Variants in SCN4A observed in about 807,000 individuals in gnomAD.
SCN4A encodes sodium voltage-gated channel alpha subunit 4.
In SCN4A, 83 loss-of-function variants were observed where a neutral mutation model predicts 162.0. The observed-to-expected ratio is 0.51, with a 90% CI of 0.43 to 0.61. SCN4A has a LOEUF of 0.61. Ranked by LOEUF, SCN4A falls within the 20% of genes least tolerant of loss-of-function variation. The pLI is 0.00. For missense variants in SCN4A, 2,196 were observed against 2,462.5 expected, an observed-to-expected ratio of 0.89 and a Z score of 2.29; for synonymous variants, 944 against 985.1, an observed-to-expected ratio of 0.96 and a Z score of 0.78.
chr17:63,962,447 C>G (rs747641129), intron 10 of SCN4A, among the ~76,000 whole-genome samples: 1 of 152,162 alleles, frequency 6.6e-6, no homozygotes, highest in Admixed American at 6.5e-5. Flanking sequence ...TCCTCCTGGC[C>G]TTGGTGGGCT....
Position 63,948,062 on chromosome 17 carries a change from G to A in SCN4A, c.3146C>T (p.Ala1049Val). 6.3e-7 allele frequency: 1 copy of A among 1,594,582 alleles called. No homozygotes were observed. Among genetic ancestry groups the A allele is most frequent in the African/African-American group, 1.3e-5 (1 of 74,626 alleles). The change falls in exon 17 of 24, where the codon GCC becomes GTC. Residue 1049 changes from alanine (A) to valine (V), a missense_variant and splice_region_variant. By Grantham distance (64) the Ala-to-Val change is moderately conservative. Coordinates refer to ENST00000435607, the MANE Select transcript of SCN4A (RefSeq NM_000334.4). ...CTGCTCAATGTAGATGTCCTCGAAG[G>A]CCTGGGGGCACCAGCACCACCAGGG... The part of the protein sequence containing the change: ...FMILLSSGAL[A>V]FEDIYIEQRR...
rs1180189206 is a variant in SCN4A at position 63,943,837 on chromosome 17, T to A, written c.3926A>T (p.Asp1309Val). 4 of 1,610,798 alleles carry A rather than the reference T, an allele frequency of 2.5e-6. No individual in the cohort carries two copies. Among genetic ancestry groups the A allele is most frequent in the Non-Finnish European group, 3.4e-6 (4 of 1,177,148 alleles). ...CTTCTGTTCCTCCGTCATAAAGATG[T>A]CTTTCCCCCCTAAGTATAGTGGGAT... Reference protein sequence around the residue: ...NQQKKKLGGKDIFMTEEQKKY... With the variant: ...NQQKKKLGGKVIFMTEEQKKY... Residue 1309 changes from aspartate to valine, a missense_variant, in exon 22 of 24, where the codon GAC (aspartate) becomes GTC (valine). Coordinates refer to ENST00000435607, the MANE Select transcript of SCN4A (RefSeq NM_000334.4).
At position 63,952,026 on chromosome 17, in the gene SCN4A, G is replaced by A. The variant is rs144647400; in HGVS notation, c.2377-126C>T. 17 of 617,286 alleles carry A rather than the reference G, an allele frequency of 2.8e-5. No homozygotes were observed. In the East Asian group the frequency reaches 3.6e-4, roughly 13 times the overall value. The allele number at this position is 617,286 out of a possible 1,614,324, so 38.2% of individuals were successfully genotyped here. ...CCACATGTTGGGCATTTAAAAGAAC[G>A]CCACCTAAGAGGTGTTCACAACTGC... On this transcript the variant is annotated intron_variant, in intron 13 of 23. Coordinates refer to ENST00000435607, the MANE Select transcript of SCN4A (RefSeq NM_000334.4).
Position 63,942,894 on chromosome 17 carries a change from A to C in SCN4A, c.4220T>G (p.Leu1407Arg). 1 of 1,614,050 alleles carries C rather than the reference A, an allele frequency of 6.2e-7. No individual in the cohort carries two copies. Among genetic ancestry groups the C allele is most frequent in the Non-Finnish European group, 8.5e-7 (1 of 1,179,890 alleles). Residue 1407 changes from leucine to arginine, a missense_variant, in exon 23 of 24, where the codon CTG becomes CGG. Physicochemically the swap from Leu to Arg is moderately radical, Grantham distance 102. Transcript: ENST00000435607. ...TGECVLKMLA[L>R]RQYYFTVGWN... is the part of the protein sequence containing the mutation. ...GCCAACGGTGAAGTAGTACTGGCGCAGGGCGAGCATCTTGAGCACGCACTC... is the reference window on the plus strand; with the variant it reads ...GCCAACGGTGAAGTAGTACTGGCGCCGGGCGAGCATCTTGAGCACGCACTC...
At chr17:63,956,547 G>C (rs546798405) in intron 13 of SCN4A, among the ~76,000 whole-genome samples, 1 of 152,106 alleles carries the variant, frequency 6.6e-6, no homozygotes, top group South Asian at 2.1e-4. Flanking sequence ...TCTCTTTTTC[G>C]GCGCCTGGAC....
intron 8 of SCN4A, among the ~76,000 whole-genome samples, chr17:63,964,988 C>A (rs374943449): frequency 1.3e-5 from 2 of 152,218 alleles, no homozygotes; most frequent in Non-Finnish European, 2.9e-5. Flanking sequence ...AGCTTTGCCA[C>A]AGTGCCTGGC....
At chr17:63,968,668 T>C (rs976639267) in intron 5 of SCN4A, among the ~76,000 whole-genome samples, 34 of 152,166 alleles carry the variant, frequency 2.2e-4, no homozygotes, top group Non-Finnish European at 3.5e-4. Flanking sequence ...AAGTTAGCGC[T>C]GTCAAAGTGT....
At chr17:63,958,292 G>GGCTGCAGTGAGCAGTGATCGTACC (rs1909135693) in intron 12 of SCN4A, among the ~76,000 whole-genome samples, 2 of 151,978 alleles carry the variant, frequency 1.3e-5, no homozygotes, top group African/African-American at 4.8e-5. Flanking sequence ...GGGAGGTCAA[G>GGCTGCAGTGAGCAGTGATCGTACC]GCTGCAGTGA....
At chr17:63,967,755 T>A (rs531102662) in intron 6 of SCN4A, among the ~76,000 whole-genome samples, 1 of 151,908 alleles carries the variant, frequency 6.6e-6, no homozygotes, top group South Asian at 2.1e-4. Context: ...CAACATGATG[T>A]AACCCTATCT....
At chr17:63,967,587 G>A (rs1909487891) in intron 6 of SCN4A, among the ~76,000 whole-genome samples, 1 of 152,174 alleles carries the variant, frequency 6.6e-6, no homozygotes, top group African/African-American at 2.4e-5. Flanking sequence ...GACACAGGCT[G>A]CCAAGTGCTA....
chr17:63,949,368 C>T (rs1908832021), intron 15 of SCN4A, 25 bp downstream of exon 15: 1 of 1,553,858 alleles, frequency 6.4e-7, no homozygotes, highest in African/African-American at 1.4e-5. Flanking sequence ...GGGAGACACC[C>T]AGATGAGGTG....
Position 63,939,217 on chromosome 17 carries a change from C to A in SCN4A, c.*1554G>T, listed in dbSNP as rs993454110. 6.6e-6 allele frequency: 1 copy of A among 152,628 alleles called. No homozygotes were observed. Among genetic ancestry groups the A allele is most frequent in the South Asian group, 2.1e-4 (1 of 4,834 alleles). 9.5% of individuals were successfully genotyped at this position (152,628 alleles called of 1,614,324 possible). Reference sequence around the variant, plus strand: ...AAGAGGCACTTAGGCCAACAGAATGCCCTGAGTACACACCTTACCACATGC... The same window carrying A: ...AAGAGGCACTTAGGCCAACAGAATGACCTGAGTACACACCTTACCACATGC... On this transcript the variant is annotated 3_prime_UTR_variant, in exon 24 of 24. Coordinates refer to ENST00000435607, the MANE Select transcript of SCN4A (RefSeq NM_000334.4).
At chr17:63,969,141 C>T (rs762780319) in intron 5 of SCN4A, among the ~76,000 whole-genome samples, 2 of 152,222 alleles carry the variant, frequency 1.3e-5, no homozygotes, top group African/African-American at 4.8e-5. Flanking sequence ...CCTCACCTGG[C>T]CTATTAAACA....
rs1598406728 is a variant in SCN4A at position 63,945,504 on chromosome 17, G to A, written c.3576C>T (p.Thr1192=). 14 of 1,613,992 alleles carry A rather than the reference G, an allele frequency of 8.7e-6. No homozygotes were observed. Among genetic ancestry groups the A allele is most frequent in the Non-Finnish European group, 1.2e-5 (14 of 1,179,882 alleles). ...AGATGTCGAACCTCTCAGAGGTGGT[G>A]GTGTTGATGCAGTAGTAGAACTTGC... is the stretch of plus-strand genomic sequence containing the variant. The part of the protein sequence containing the change: ...FAGKFYYCIN[T]TTSERFDISE... The change falls in exon 19 of 24, where the codon ACC becomes ACT. Residue 1192 remains threonine (T), a synonymous_variant. Transcript: ENST00000435607. The surrounding 1 kb of genome is among the most constrained non-coding windows in gnomAD (Gnocchi z 4.4).
At chr17:63,969,504 C>T (rs1454796345) in intron 5 of SCN4A, among the ~76,000 whole-genome samples, 3 of 152,346 alleles carry the variant, frequency 2.0e-5, no homozygotes, top group East Asian at 1.9e-4. Context: ...AAGGCAATGC[C>T]GTCTTGGCTC....
Position 63,939,391 on chromosome 17 carries a change from A to G in SCN4A, c.*1380T>C, listed in dbSNP as rs201760595. 1.1e-5 allele frequency: 1 copy of G among 87,770 alleles called. No individual in the cohort carries two copies. The highest frequency in any genetic ancestry group is 3.0e-5 in the African/African-American group (1 of 33,162). The allele number at this position is 87,770 out of a possible 1,614,324, so 5.4% of individuals were successfully genotyped here. On this transcript the variant is annotated 3_prime_UTR_variant, in exon 24 of 24. Coordinates refer to ENST00000435607, the MANE Select transcript of SCN4A (RefSeq NM_000334.4). ...GCACACATATATACACATATATACA[A>G]AGATACCCAGACACGTGCATAATGC...
intron 8 of SCN4A, 123 bp from the exon 9 acceptor site, chr17:63,964,800 G>A (rs1399060983): frequency 9.7e-6 from 7 of 719,022 alleles, no homozygotes; most frequent in Admixed American, 2.6e-5. Flanking sequence ...CAGAGCCTGG[G>A]GGACTGATGG....
chr17:63,951,491 T>C lies in SCN4A; in HGVS notation c.2786A>G (p.Glu929Gly). 6.2e-7 allele frequency: 1 copy of C among 1,613,688 alleles called. No individual in the cohort carries two copies. Among genetic ancestry groups the C allele is most frequent in the South Asian group, 1.1e-5 (1 of 91,080 alleles). ...GGTGGGCATCTCCAGGTCGGACTCCTCGGAGGCGATGGGCACCTGTATGGT... is the reference window on the plus strand; with the variant it reads ...GGTGGGCATCTCCAGGTCGGACTCCCCGGAGGCGATGGGCACCTGTATGGT... ...YLTIQVPIAS[E>G]ESDLEMPTEE... Residue 929 changes from glutamate to glycine, a missense_variant, in exon 14 of 24, where the codon GAG becomes GGG. Glu to Gly is a moderately conservative substitution (Grantham distance 98, BLOSUM62 -2). Coordinates refer to ENST00000435607, the MANE Select transcript of SCN4A (RefSeq NM_000334.4). This position sits in a 1 kb window ranked among gnomAD's most constrained non-coding sequence, Gnocchi z 4.5.
At position 63,944,995 on chromosome 17, in the gene SCN4A, AC is replaced by A; in HGVS notation, c.3774+11del. 2.5e-6 allele frequency: 4 copies of A among 1,612,576 alleles called. No homozygotes were observed. Among genetic ancestry groups the A allele is most frequent in the Non-Finnish European group, 3.4e-6 (4 of 1,179,366 alleles). On this transcript the variant is annotated intron_variant, in intron 20 of 23. Transcript: ENST00000435607. This position sits in a 1 kb window ranked among gnomAD's most constrained non-coding sequence, Gnocchi z 4.3. Reference sequence around the variant, plus strand: ...CTCGCTCACCAGCCACATCTCAGCGACCCCGACTCACCTCCCGGGAGTCCAC... The same window carrying A: ...CTCGCTCACCAGCCACATCTCAGCGACCCGACTCACCTCCCGGGAGTCCAC...
Sources: allele counts gnomAD v4.1 joint callset (sites outside exome capture counted in the v4.1 genomes callset), GRCh38; gene constraint gnomAD v4.1.1; non-coding constraint Gnocchi (gnomAD v3.1); transcripts MANE v1.5; gene names NCBI Gene and HGNC (gene_info 2026-07-23, HGNC 2026-07-21).